CERS6: variants seen among roughly 807,000 people sequenced by gnomAD.
CERS6 encodes LAG1 homolog, ceramide synthase 6.
In CERS6, 26 loss-of-function variants were observed where a neutral mutation model predicts 56.8. The observed-to-expected ratio is 0.46, with a 90% CI of 0.34 to 0.63. CERS6 has a LOEUF of 0.63. CERS6 is among the 30% of genes least tolerant of loss of function. The pLI, the probability that CERS6 is intolerant of heterozygous loss-of-function variation, is 0.01. For synonymous variants in CERS6, 164 were observed against 173.3 expected (o/e 0.95, Z 0.42); for missense variants, 415 against 467.5 (o/e 0.89, Z 1.04).
At chr2:168,638,686 C>A (rs76710918) in intron 4 of CERS6, among the ~76,000 whole-genome samples, 2,624 of 152,198 alleles carry the variant, frequency 0.017, 102 homozygotes, top group East Asian at 0.16. Flanking sequence ...AGTGGTATGC[C>A]ATACTTTGAT....
intron 6 of CERS6, among the ~76,000 whole-genome samples, chr2:168,701,635 G>A (rs1015724840): frequency 1.3e-5 from 2 of 152,220 alleles, no homozygotes; most frequent in Admixed American, 6.5e-5. Flanking sequence ...GTATCCATGG[G>A]GAATTGGTTC....
At chr2:168,466,479 G>A (rs968351784) in intron 1 of CERS6, among the ~76,000 whole-genome samples, 1 of 152,114 alleles carries the variant, frequency 6.6e-6, no homozygotes, top group African/African-American at 2.4e-5. Flanking sequence ...CATTTTACAA[G>A]CAAATGATTC....
At chr2:168,567,515 C>A (rs755170060) in intron 3 of CERS6, among the ~76,000 whole-genome samples, 16 of 152,164 alleles carry the variant, frequency 1.1e-4, no homozygotes, top group Non-Finnish European at 2.1e-4. Flanking sequence ...TTGAATATGT[C>A]ATTTTCATGT....
At chr2:168,628,881 T>A (rs1684649018) in intron 3 of CERS6, among the ~76,000 whole-genome samples, 1 of 151,236 alleles carries the variant, frequency 6.6e-6, no homozygotes, top group South Asian at 2.1e-4. Flanking sequence ...ATCTTCCTTT[T>A]CATGGGTGCA....
chr2:168,735,475 T>C lies in CERS6; in HGVS notation c.845+17497T>C, dbSNP rs1442322487. On this transcript the variant is annotated intron_variant, in intron 8 of 9. Coordinates refer to ENST00000305747, the MANE Select transcript of CERS6 (RefSeq NM_203463.3). The stretch of plus-strand genomic sequence containing the variant: ...TTCTTCTGTTTAGATTGTGGAAATA[T>C]AATCAGACCGTTTCAGGGCTCTATG... 5.3e-5 allele frequency among the ~76,000 whole-genome samples: 8 copies of C among 152,162 alleles called. No individual in the cohort carries two copies. In the East Asian group the frequency reaches 1.5e-3, roughly 29 times the overall value.
chr2:168,521,156 G>A (rs182719958), intron 1 of CERS6, among the ~76,000 whole-genome samples: 2 of 152,256 alleles, frequency 1.3e-5, no homozygotes, highest in Admixed American at 6.5e-5. Flanking sequence ...TGACAACGCC[G>A]TACAGTGATA....
At chr2:168,673,895 T>C (rs1023297860) in intron 4 of CERS6, among the ~76,000 whole-genome samples, 1 of 152,234 alleles carries the variant, frequency 6.6e-6, no homozygotes, top group Non-Finnish European at 1.5e-5. Flanking sequence ...ACAACATTTT[T>C]TCTTTTAATA....
At chr2:168,497,453 G>A (rs1327091026) in intron 1 of CERS6, among the ~76,000 whole-genome samples, 1 of 152,232 alleles carries the variant, frequency 6.6e-6, no homozygotes, top group African/African-American at 2.4e-5. Flanking sequence ...CTAAGTACTT[G>A]TATGTACAGA....
intron 2 of CERS6, among the ~76,000 whole-genome samples, chr2:168,552,269 T>C (rs1421012477): frequency 1.3e-5 from 2 of 151,930 alleles, no homozygotes; most frequent in African/African-American, 4.8e-5. Context: ...TTCATTTCTT[T>C]GCCTGGAAAT....
chr2:168,672,114 C>T (rs1420392141), intron 4 of CERS6, among the ~76,000 whole-genome samples: 3 of 152,094 alleles, frequency 2.0e-5, no homozygotes, highest in Non-Finnish European at 1.5e-5. Context: ...TGCCTGTTTC[C>T]CGTTTAATGG....
At chr2:168,683,849 A>G (rs1686279468) in intron 4 of CERS6, among the ~76,000 whole-genome samples, 1 of 152,154 alleles carries the variant, frequency 6.6e-6, no homozygotes, top group South Asian at 2.1e-4. Context: ...TGCATAGTGT[A>G]CCACGGTGAC....
chr2:168,752,278 A>AGT (rs1218283470), intron 8 of CERS6, among the ~76,000 whole-genome samples: 1 of 61,646 alleles, frequency 1.6e-5, no homozygotes, highest in East Asian at 4.4e-4. Flanking sequence ...TAAAAAAATA[A>AGT]ATGTGTGTGT....
chr2:168,495,040 T>C (rs976799981), intron 1 of CERS6, among the ~76,000 whole-genome samples: 3 of 152,180 alleles, frequency 2.0e-5, no homozygotes, highest in African/African-American at 4.8e-5. Flanking sequence ...GCATCTGCCA[T>C]GCAGGGTAGA....
At chr2:168,675,519 G>A (rs7422732) in intron 4 of CERS6, among the ~76,000 whole-genome samples, 5,268 of 152,026 alleles carry the variant, frequency 0.035, 123 homozygotes, top group East Asian at 0.13. Flanking sequence ...CCAGGGGGCT[G>A]AGGCTGCAGT....
At chr2:168,682,492 G>A (rs755202505) in intron 4 of CERS6, among the ~76,000 whole-genome samples, 4 of 152,238 alleles carry the variant, frequency 2.6e-5, no homozygotes, top group Admixed American at 2.0e-4. Flanking sequence ...GAATGTGCCT[G>A]TTAACATTTC....
At chr2:168,542,705 T>C (rs976565459) in intron 1 of CERS6, among the ~76,000 whole-genome samples, 1 of 61,524 alleles carries the variant, frequency 1.6e-5, no homozygotes, top group African/African-American at 3.3e-5. Context: ...TTGGGGGGTG[T>C]TATTTTTTTT....
chr2:168,735,208 C>T (rs1037070870), intron 8 of CERS6, among the ~76,000 whole-genome samples: 21 of 151,992 alleles, frequency 1.4e-4, no homozygotes, highest in Admixed American at 9.8e-4. Flanking sequence ...TTTTTAACTC[C>T]GTGCCAGGCT....
chr2:168,730,746 T>A (rs750796994), intron 8 of CERS6, among the ~76,000 whole-genome samples: 1 of 152,172 alleles, frequency 6.6e-6, no homozygotes. Context: ...AACCCACTTA[T>A]AATTTTCACA....
intron 4 of CERS6, among the ~76,000 whole-genome samples, chr2:168,684,577 A>G (rs1262871372): frequency 1.3e-5 from 2 of 152,216 alleles, no homozygotes; most frequent in African/African-American, 4.8e-5. Context: ...AGAATCTTCA[A>G]TATTTAGGTA....
Sources: gnomAD v4.1 joint callset for allele counts (sites outside exome capture counted in the v4.1 genomes callset) on GRCh38, gnomAD v4.1.1 for gene constraint, MANE v1.5 for transcripts, NCBI Gene and HGNC (gene_info 2026-07-23, HGNC 2026-07-21) for gene names.